The following KCNB2 variants were observed in gnomAD, a reference collection of about 807,000 sequenced individuals.
KCNB2 encodes the protein delayed rectifier potassium channel protein.
KCNB2 carries 15 observed loss-of-function variants against 61.5 expected under a neutral mutation model. That is an observed-to-expected ratio of 0.24 (90% CI 0.16 to 0.38). KCNB2 has a LOEUF of 0.38. Among genes scored for constraint, KCNB2 ranks in the 10% least tolerant of loss-of-function variants. The pLI is 1.00. For missense variants in KCNB2, 828 were observed against 1,125.2 expected, an observed-to-expected ratio of 0.74 and a Z score of 3.78; for synonymous variants, 457 against 446.0, an observed-to-expected ratio of 1.02 and a Z score of -0.31.
At chr8:72,544,242 T>C (rs531910724) in intron 1 of KCNB2, among the ~76,000 whole-genome samples, 5 of 152,238 alleles carry the variant, frequency 3.3e-5, no homozygotes, top group African/African-American at 1.2e-4. Context: ...TGACTGAAGG[T>C]CAGCATTGGC....
At chr8:72,616,091 G>C (rs1805615191) in intron 2 of KCNB2, among the ~76,000 whole-genome samples, 1 of 152,150 alleles carries the variant, frequency 6.6e-6, no homozygotes. Flanking sequence ...AGAGATTCAG[G>C]CATTTTAAGG....
intron 2 of KCNB2, among the ~76,000 whole-genome samples, chr8:72,671,748 A>G (rs1206620776): frequency 6.6e-6 from 1 of 152,144 alleles, no homozygotes; most frequent in Non-Finnish European, 1.5e-5. Flanking sequence ...ATATAATCTT[A>G]GCAGTTGTGC....
At chr8:72,850,894 TTTGA>T (rs1810091154) in intron 2 of KCNB2, among the ~76,000 whole-genome samples, 1 of 54,054 alleles carries the variant, frequency 1.8e-5, no homozygotes, top group African/African-American at 4.7e-5. Flanking sequence ...TTATAGTCAA[TTTGA>T]TTGGGAATCC....
chr8:72,620,472 C>T (rs1805698264), intron 2 of KCNB2, among the ~76,000 whole-genome samples: 3 of 152,188 alleles, frequency 2.0e-5, no homozygotes, highest in Non-Finnish European at 4.4e-5. Flanking sequence ...CTAACATGTG[C>T]AGGAGAGGGA....
rs1026812528 is a variant in KCNB2, at chr8:72,826,588, G to T, written c.580-109347G>T. ...GAAGATTAATTTAGATATTTCCTGA[G>T]AGTGTGTATCTAGGTTACCAAGGAT... On this transcript the variant is annotated intron_variant, in intron 2 of 2. Coordinates refer to ENST00000523207, the MANE Select transcript of KCNB2 (RefSeq NM_004770.3). Among the ~76,000 whole-genome samples, 3 of 152,198 alleles carry T rather than the reference G, an allele frequency of 2.0e-5. No homozygotes were observed. The East Asian group carries it at 5.8e-4, about 29-fold the overall frequency.
intron 2 of KCNB2, among the ~76,000 whole-genome samples, chr8:72,619,792 A>G (rs943975098): frequency 3.4e-4 from 51 of 152,198 alleles, no homozygotes; most frequent in African/African-American, 1.2e-3. Flanking sequence ...TAACAAAATA[A>G]TCTTCAAAAC....
intron 2 of KCNB2, among the ~76,000 whole-genome samples, chr8:72,859,160 C>T (rs376384753): frequency 1.3e-5 from 2 of 152,238 alleles, no homozygotes; most frequent in South Asian, 2.1e-4. Context: ...TCTCTCTGGG[C>T]CCCTATGAGG....
chr8:72,936,426 G>A lies in KCNB2; in HGVS notation c.1071G>A (p.Glu357=). 1 of 1,614,168 alleles carries A rather than the reference G, an allele frequency of 6.2e-7. No individual in the cohort carries two copies. Among genetic ancestry groups the A allele is most frequent in the Admixed American group, 1.7e-5 (1 of 60,028 alleles). ...MIFSSLVFFA[E]KDEDATKFTS... ...TTTCCAGCCTGGTATTTTTTGCTGA[G>A]AAGGATGAAGATGCTACCAAGTTCA... The change falls in exon 3 of 3, where the codon GAG becomes GAA. Residue 357 remains glutamate (E), a synonymous_variant. Transcript: ENST00000523207. The surrounding 1 kb of genome is among the most constrained non-coding windows in gnomAD (Gnocchi z 5.6).
At chr8:72,746,809 C>T (rs1808079549) in intron 2 of KCNB2, among the ~76,000 whole-genome samples, 1 of 152,134 alleles carries the variant, frequency 6.6e-6, no homozygotes, top group Non-Finnish European at 1.5e-5. Flanking sequence ...AATTGAATCA[C>T]CCAAATGTTT....
chr8:72,747,806 T>C lies in KCNB2; in HGVS notation c.579+179493T>C, dbSNP rs1247521807. Among the ~76,000 whole-genome samples the C allele has an allele frequency of 3.3e-5, 5 of 152,332 alleles. No homozygotes were observed. The East Asian group carries it at 7.7e-4, about 24-fold the overall frequency. Reference sequence around the variant, plus strand: ...AAAGCAAAGGAAACGAACAAGATAATTGTCAACTTACTGTAATATTGTCAT... The same window carrying C: ...AAAGCAAAGGAAACGAACAAGATAACTGTCAACTTACTGTAATATTGTCAT... On this transcript the variant is annotated intron_variant, in intron 2 of 2. Coordinates refer to ENST00000523207, the MANE Select transcript of KCNB2 (RefSeq NM_004770.3).
intron 1 of KCNB2, among the ~76,000 whole-genome samples, chr8:72,540,579 T>C (rs1465411030): frequency 6.6e-6 from 1 of 152,124 alleles, no homozygotes; most frequent in Non-Finnish European, 1.5e-5. Flanking sequence ...ATAAACTTTA[T>C]AGAGCAGAGC....
chr8:72,705,255 C>T (rs147121793), intron 2 of KCNB2, among the ~76,000 whole-genome samples: 1 of 152,202 alleles, frequency 6.6e-6, no homozygotes, highest in African/African-American at 2.4e-5. Context: ...TTTGTTATCC[C>T]TGGAACGTTT....
intron 2 of KCNB2, among the ~76,000 whole-genome samples, chr8:72,778,243 A>G (rs192440880): frequency 3.3e-4 from 51 of 152,278 alleles, no homozygotes; most frequent in Admixed American, 1.4e-3. Flanking sequence ...GTGAGTTTTC[A>G]CACAGAGGTA....
At chr8:72,872,054 G>A (rs1341487457) in intron 2 of KCNB2, among the ~76,000 whole-genome samples, 1 of 152,108 alleles carries the variant, frequency 6.6e-6, no homozygotes, top group Non-Finnish European at 1.5e-5. Flanking sequence ...TTAGAGAGTG[G>A]CCCTTCCATG....
chr8:72,701,244 T>A (rs992757575), intron 2 of KCNB2, among the ~76,000 whole-genome samples: 23 of 152,142 alleles, frequency 1.5e-4, no homozygotes, highest in Middle Eastern at 6.8e-3. Flanking sequence ...AATTATTTTT[T>A]AAAAAAAAGA....
At chr8:72,590,419 A>G (rs1045708741) in intron 2 of KCNB2, among the ~76,000 whole-genome samples, 6 of 152,028 alleles carry the variant, frequency 3.9e-5, no homozygotes, top group African/African-American at 7.2e-5. Flanking sequence ...AATACCATTG[A>G]GCAAAAGGGC....
chr8:72,890,057 A>G (rs113763941), intron 2 of KCNB2, among the ~76,000 whole-genome samples: 5 of 152,148 alleles, frequency 3.3e-5, no homozygotes, highest in Admixed American at 1.3e-4. Context: ...TTATTTTTTC[A>G]TCTTTATTTC....
intron 2 of KCNB2, among the ~76,000 whole-genome samples, chr8:72,755,795 C>T (rs2128996040): frequency 6.6e-6 from 1 of 152,302 alleles, no homozygotes; most frequent in South Asian, 2.1e-4. Context: ...AGAAACTTTC[C>T]ATTCTTGAAA....
At chr8:72,701,976 A>G (rs1412838420) in intron 2 of KCNB2, among the ~76,000 whole-genome samples, 1 of 152,166 alleles carries the variant, frequency 6.6e-6, no homozygotes, top group Non-Finnish European at 1.5e-5. Flanking sequence ...AAAGATTAAG[A>G]TTACAGGAAA....
Sources: gnomAD v4.1 joint callset for allele counts (sites outside exome capture counted in the v4.1 genomes callset) on GRCh38, gnomAD v4.1.1 for gene constraint, Gnocchi (gnomAD v3.1) non-coding constraint, MANE v1.5 for transcripts, NCBI Gene and HGNC (gene_info 2026-07-23, HGNC 2026-07-21) for gene names.